The following CWF19L2 variants were observed in gnomAD, a reference collection of about 807,000 sequenced individuals.
CWF19L2 encodes CWF19 like cell cycle control factor 2.
Under a neutral mutation model 111.7 loss-of-function variants are expected in CWF19L2, and 98 were observed. The ratio of observed to expected loss-of-function variants is 0.88; its 90% confidence interval spans 0.75 to 1.04. CWF19L2 has a LOEUF of 1.04. CWF19L2 is among the 50% of genes least tolerant of loss of function. The pLI is 0.00. For missense variants in CWF19L2, 1,101 were observed against 1,051.4 expected, an observed-to-expected ratio of 1.05 and a Z score of -0.65; for synonymous variants, 351 against 342.9, an observed-to-expected ratio of 1.02 and a Z score of -0.26.
chr11:107,375,192 G>A (rs1301243213), intron 12 of CWF19L2, among the ~76,000 whole-genome samples: 147 of 131,450 alleles, frequency 1.1e-3, no homozygotes, highest in African/African-American at 4.1e-3. Context: ...ACACCCCACT[G>A]TCAACATTAG....
intron 14 of CWF19L2, among the ~76,000 whole-genome samples, chr11:107,345,731 G>A (rs1193041646): frequency 6.6e-6 from 1 of 151,978 alleles, no homozygotes; most frequent in Non-Finnish European, 1.5e-5. Flanking sequence ...AATAATTTGC[G>A]TTTGATCAAC....
rs576026911 is a variant in CWF19L2, at chr11:107,338,858, G to A, written c.2203-2145C>T. On this transcript the variant is annotated intron_variant, in intron 14 of 17. Coordinates refer to ENST00000282251, the MANE Select transcript of CWF19L2 (RefSeq NM_152434.3). ...GTTGATTCCATGTGTTTGCTATTGT[G>A]AATAGTGCTGCAATGAACACATGTG... Among the ~76,000 whole-genome samples, 58 of 152,216 alleles carry A rather than the reference G, an allele frequency of 3.8e-4. No homozygotes were observed. In the South Asian group the frequency reaches 4.4e-3, roughly 11 times the overall value.
chr11:107,429,006 G>A lies in CWF19L2; in HGVS notation c.1226C>T (p.Thr409Ile), dbSNP rs775652699. The change falls in exon 8 of 18, where the codon ACC becomes ATC. Residue 409 changes from threonine (T) to isoleucine (I), a missense_variant. Coordinates refer to ENST00000282251, the MANE Select transcript of CWF19L2 (RefSeq NM_152434.3). The part of the protein sequence containing the change: ...GSLCSGFRKP[T>I]KNSEERLTSW... ...TGTTAATCTTTCTTCACTGTTCTTGGTGGGTTTTCTAAAACCACTACACAA... is the reference window on the plus strand; with the variant it reads ...TGTTAATCTTTCTTCACTGTTCTTGATGGGTTTTCTAAAACCACTACACAA... 7 of 1,613,636 alleles carry A rather than the reference G, an allele frequency of 4.3e-6. No individual in the cohort carries two copies. The highest frequency in any genetic ancestry group is 5.9e-6 in the Non-Finnish European group (7 of 1,179,782).
intron 1 of CWF19L2, among the ~76,000 whole-genome samples, chr11:107,456,788 A>G (rs1028075273): frequency 3.4e-4 from 52 of 152,188 alleles, no homozygotes; most frequent in African/African-American, 1.1e-3. Context: ...AGAAAAATCG[A>G]TATCAGAGAA....
chr11:107,429,998 A>C (rs1861442059), intron 7 of CWF19L2, among the ~76,000 whole-genome samples: 1 of 152,066 alleles, frequency 6.6e-6, no homozygotes, highest in Non-Finnish European at 1.5e-5. Context: ...AAAAAGATAC[A>C]TGAACAATTG....
At chr11:107,389,086 T>C (rs993918579) in intron 12 of CWF19L2, among the ~76,000 whole-genome samples, 2 of 152,222 alleles carry the variant, frequency 1.3e-5, no homozygotes, top group African/African-American at 4.8e-5. Flanking sequence ...GGTAACATAC[T>C]TACGTACTTA....
At chr11:107,338,336 C>T (rs374681239) in intron 14 of CWF19L2, among the ~76,000 whole-genome samples, 12 of 152,128 alleles carry the variant, frequency 7.9e-5, no homozygotes, top group African/African-American at 2.9e-4. Flanking sequence ...TTCTTTAATT[C>T]TGACATTTCA....
rs377101069 is a variant in CWF19L2, at chr11:107,428,976, C to G, written c.1256G>C (p.Trp419Ser). Residue 419 changes from tryptophan to serine, a missense_variant, in exon 8 of 18, where the codon TGG becomes TCG. Trp to Ser is a radical substitution (Grantham distance 177, BLOSUM62 -3). Transcript: ENST00000282251. ...TKNSEERLTS[W>S]SRSDGRGDKK... is the part of the protein sequence containing the mutation. ...GTCTCCTCTCCCATCAGAGCGACTC[C>G]ATGATGTTAATCTTTCTTCACTGTT... 1.2e-5 allele frequency: 20 copies of G among 1,613,504 alleles called. No homozygotes were observed. The highest frequency in any genetic ancestry group is 3.3e-4 in the Middle Eastern group (2 of 6,084).
intron 8 of CWF19L2, among the ~76,000 whole-genome samples, chr11:107,421,010 T>C (rs1427222357): frequency 6.6e-6 from 1 of 152,046 alleles, no homozygotes; most frequent in African/African-American, 2.4e-5. Context: ...TCCAAGTGCA[T>C]ACAAAATATT....
chr11:107,444,333 G>A (rs1161054684), intron 3 of CWF19L2, among the ~76,000 whole-genome samples: 4 of 151,992 alleles, frequency 2.6e-5, no homozygotes, highest in African/African-American at 4.8e-5. Flanking sequence ...CCACTGTGCC[G>A]AACTCAACAA....
chr11:107,329,421 GT>G (rs1859810206), intron 17 of CWF19L2, among the ~76,000 whole-genome samples: 1 of 152,110 alleles, frequency 6.6e-6, no homozygotes, highest in African/African-American at 2.4e-5. Context: ...GAGAAAATTG[GT>G]TCTCTAGTTC....
chr11:107,356,912 C>T (rs544733281), intron 12 of CWF19L2, among the ~76,000 whole-genome samples: 67 of 152,192 alleles, frequency 4.4e-4, no homozygotes, highest in Middle Eastern at 3.4e-3. Context: ...GTGGCACATG[C>T]CTGTAATCCC....
At chr11:107,327,167 T>C (rs1449606127) in intron 17 of CWF19L2, 114 bp from the exon 18 acceptor site, 1 of 1,086,724 alleles carries the variant, frequency 9.2e-7, no homozygotes, top group Non-Finnish European at 1.3e-6. Flanking sequence ...TCCATGACAA[T>C]GTTCAAGCAT....
Position 107,442,809 on chromosome 11 carries a change from A to G in CWF19L2, c.450+130T>C, listed in dbSNP as rs866079557. ...AAGGAAGGAAGGGAGGGAGGGAGGG[A>G]GGGAGGGAGGGGGAGGGAGGGAGAG... On this transcript the variant is annotated intron_variant, in intron 4 of 17. Transcript: ENST00000282251. 1.3e-5 allele frequency: 5 copies of G among 396,492 alleles called. No individual in the cohort carries two copies. In the African/African-American group the frequency reaches 2.2e-4, roughly 17 times the overall value. 24.6% of individuals were successfully genotyped at this position (396,492 alleles called of 1,614,324 possible). A position where few individuals can be genotyped will look rare whatever the true frequency, so the allele number is the denominator to read the frequency against.
At chr11:107,386,884 T>C (rs931324935) in intron 12 of CWF19L2, among the ~76,000 whole-genome samples, 1 of 151,896 alleles carries the variant, frequency 6.6e-6, no homozygotes, top group African/African-American at 2.4e-5. Flanking sequence ...TGAAACCCCG[T>C]CTCTACTAAA....
rs79796486 is a variant in CWF19L2, at chr11:107,446,210, C to G, written c.340-3161G>C. On this transcript the variant is annotated intron_variant, in intron 3 of 17. Coordinates refer to ENST00000282251, the MANE Select transcript of CWF19L2 (RefSeq NM_152434.3). Reference sequence around the variant, plus strand: ...TTCCCTACTGAATAAAGTCAAAGCTCTTGGTTTACAAGGCCCTATTAATTC... The same window carrying G: ...TTCCCTACTGAATAAAGTCAAAGCTGTTGGTTTACAAGGCCCTATTAATTC... 7.9e-5 allele frequency among the ~76,000 whole-genome samples: 12 copies of G among 152,354 alleles called. No individual in the cohort carries two copies. In the East Asian group the frequency reaches 2.3e-3, roughly 29 times the overall value.
intron 10 of CWF19L2, among the ~76,000 whole-genome samples, chr11:107,393,354 T>C (rs934553623): frequency 2.0e-5 from 3 of 152,160 alleles, no homozygotes; most frequent in African/African-American, 7.2e-5. Context: ...AGCCTTCAAA[T>C]GCTTTTCAGT....
chr11:107,358,290 A>T (rs537662188), intron 12 of CWF19L2, among the ~76,000 whole-genome samples: 2 of 151,962 alleles, frequency 1.3e-5, no homozygotes, highest in South Asian at 4.2e-4. Flanking sequence ...TTGGAAGAAG[A>T]ACCATCTTGG....
In CWF19L2 at chr11:107,373,064, C is replaced by T. The variant is rs1271422587; in HGVS notation, c.1872+17010G>A. 2.6e-4 allele frequency among the ~76,000 whole-genome samples: 12 copies of T among 46,362 alleles called. 5 individuals carry two copies. Among genetic ancestry groups the T allele is most frequent in the African/African-American group, 9.0e-4 (4 of 4,454 alleles). The allele number at this position is 46,362 out of a possible 152,430, so 30.4% of individuals were successfully genotyped here. A position where few individuals can be genotyped will look rare whatever the true frequency, so the allele number is the denominator to read the frequency against. On this transcript the variant is annotated intron_variant, in intron 12 of 17. Coordinates refer to ENST00000282251, the MANE Select transcript of CWF19L2 (RefSeq NM_152434.3). ...CACCCAAATATTGCGCTTTTCAGAC[C>T]GGCTTAAAAAACGGCACACTACGAG...
Sources: gnomAD v4.1 joint callset for allele counts (sites outside exome capture counted in the v4.1 genomes callset) on GRCh38, gnomAD v4.1.1 for gene constraint, MANE v1.5 for transcripts, NCBI Gene and HGNC (gene_info 2026-07-23, HGNC 2026-07-21) for gene names.